The following FOLH1 variants were observed in gnomAD, a reference collection of about 807,000 sequenced individuals.
The protein encoded by FOLH1 is glutamate carboxypeptidase 2.
A neutral mutation model predicts 93.9 loss-of-function variants in FOLH1; 54 were observed. The observed-to-expected ratio is 0.57, with a 90% CI of 0.46 to 0.72. The LOEUF is 0.72. Among genes scored for constraint, FOLH1 ranks in the 30% least tolerant of loss-of-function variants. FOLH1 has a pLI of 0.00. For synonymous variants in FOLH1, 249 were observed against 303.6 expected (o/e 0.82, Z 1.87); for missense variants, 571 against 892.5 (o/e 0.64, Z 4.59).
intron 4 of FOLH1, among the ~76,000 whole-genome samples, chr11:49,188,512 C>A (rs376654027): frequency 2.7e-3 from 354 of 130,768 alleles, no homozygotes; most frequent in Middle Eastern, 4.0e-3. Flanking sequence ...GACTTGGTCT[C>A]AAAAAAAAAA....
chr11:49,158,692 A>C (rs1380755399), intron 13 of FOLH1, among the ~76,000 whole-genome samples: 1 of 152,192 alleles, frequency 6.6e-6, no homozygotes. Context: ...TTTAATAGGA[A>C]TAGCACTGAA....
intron 15 of FOLH1, among the ~76,000 whole-genome samples, chr11:49,155,028 C>G (rs1402418442): frequency 6.6e-6 from 1 of 151,884 alleles, no homozygotes; most frequent in East Asian, 1.9e-4. Flanking sequence ...AGAAGGGAGG[C>G]CCAGACAGGT....
chr11:49,160,117 G>A (rs1249794220), intron 13 of FOLH1, among the ~76,000 whole-genome samples: 1 of 152,002 alleles, frequency 6.6e-6, no homozygotes, highest in Non-Finnish European at 1.5e-5. Context: ...TATGTGCATA[G>A]AGGTGTTTAT....
intron 13 of FOLH1, among the ~76,000 whole-genome samples, chr11:49,161,976 T>C (rs1408610776): frequency 6.6e-6 from 1 of 152,188 alleles, no homozygotes; most frequent in Non-Finnish European, 1.5e-5. Flanking sequence ...GCTTGCAGGG[T>C]TTCAGCTGAG....
intron 14 of FOLH1, among the ~76,000 whole-genome samples, chr11:49,157,365 T>C (rs1277305286): frequency 6.6e-6 from 1 of 152,042 alleles, no homozygotes; most frequent in African/African-American, 2.4e-5. Context: ...GGAAAATTAC[T>C]TTTCACCATT....
intron 1 of FOLH1, chr11:49,207,928 G>A (rs1377435382): frequency 2.1e-6 from 1 of 478,638 alleles, no homozygotes; most frequent in South Asian, 1.5e-5. Context: ...AATGCACAGA[G>A]AGGTAAAAAA....
intron 17 of FOLH1, among the ~76,000 whole-genome samples, chr11:49,152,795 T>C (rs1202841782): frequency 6.6e-6 from 1 of 152,156 alleles, no homozygotes; most frequent in African/African-American, 2.4e-5. Flanking sequence ...GATTGCATCA[T>C]TTCCCCATTG....
intron 10 of FOLH1, 29 bp downstream of exon 10, chr11:49,173,328 T>C (rs369668552): frequency 2.8e-5 from 45 of 1,593,048 alleles, no homozygotes; most frequent in Non-Finnish European, 3.9e-5. Flanking sequence ...AGATAGGCTG[T>C]TTTTTTTCTT....
At position 49,208,484 on chromosome 11, in the gene FOLH1, C is replaced by A. The variant is rs1198343354; in HGVS notation, c.-75G>T. On this transcript the variant is annotated 5_prime_UTR_variant, in exon 1 of 19. Transcript: ENST00000256999. The stretch of plus-strand genomic sequence containing the variant: ...TCTACTGCGCGCCCTCCAACCACCA[C>A]GGCGGGGTAAAGTCTCTCTCAATCT... The A allele has an allele frequency of 4.4e-5, 45 of 1,018,902 alleles. No individual in the cohort carries two copies. Among genetic ancestry groups the A allele is most frequent in the Admixed American group, 1.2e-4 (5 of 40,364 alleles). The allele number at this position is 1,018,902 out of a possible 1,614,324, so 63.1% of individuals were successfully genotyped here. A position where few individuals can be genotyped will look rare whatever the true frequency, so the allele number is the denominator to read the frequency against.
At chr11:49,160,459 T>A (rs79268505) in intron 13 of FOLH1, among the ~76,000 whole-genome samples, 7 of 152,086 alleles carry the variant, frequency 4.6e-5, no homozygotes, top group African/African-American at 1.7e-4. Flanking sequence ...TTCTTTTTTT[T>A]TGAGACGGAG....
chr11:49,183,245 G>C lies in FOLH1; in HGVS notation c.827-3C>G. Reference sequence around the variant, plus strand: ...AATTCCACGCCTATAAGCATATTCTGAAAAAAAAAATTGCCATATTTCCAG... The same window carrying C: ...AATTCCACGCCTATAAGCATATTCTCAAAAAAAAAATTGCCATATTTCCAG... On this transcript the variant is annotated splice_region_variant and splice_polypyrimidine_tract_variant and intron_variant, in intron 6 of 18. Coordinates refer to ENST00000256999, the MANE Select transcript of FOLH1 (RefSeq NM_004476.3). The C allele has an allele frequency of 6.7e-7, 1 of 1,498,962 alleles. No homozygotes were observed. The highest frequency in any genetic ancestry group is 9.0e-7 in the Non-Finnish European group (1 of 1,107,426). The allele number at this position is 1,498,962 out of a possible 1,614,324, so 92.9% of individuals were successfully genotyped here.
At chr11:49,171,064 A>T (rs1859199559) in intron 11 of FOLH1, 131 bp downstream of exon 11, 3 of 1,047,444 alleles carry the variant, frequency 2.9e-6, no homozygotes, top group East Asian at 5.4e-5. Flanking sequence ...AGAATATGTT[A>T]CTTCAGATTT....
intron 3 of FOLH1, among the ~76,000 whole-genome samples, chr11:49,196,883 G>A (rs1046792478): frequency 6.6e-6 from 1 of 152,170 alleles, no homozygotes; most frequent in Admixed American, 6.6e-5. Flanking sequence ...ATAGGTCTTG[G>A]TCAGTGCAGT....
chr11:49,161,436 A>G (rs1362559302), intron 13 of FOLH1, among the ~76,000 whole-genome samples: 1 of 152,114 alleles, frequency 6.6e-6, no homozygotes, highest in Non-Finnish European at 1.5e-5. Flanking sequence ...TTTGTCAGAA[A>G]CTAGAATTGC....
intron 17 of FOLH1, among the ~76,000 whole-genome samples, chr11:49,151,571 ATTCAGT>A (rs1443924597): frequency 6.6e-6 from 1 of 152,228 alleles, no homozygotes; most frequent in Non-Finnish European, 1.5e-5. Context: ...GAAATTCAAC[ATTCAGT>A]TTAATTTACT....
intron 7 of FOLH1, among the ~76,000 whole-genome samples, chr11:49,178,366 C>A (rs1451631600): frequency 6.6e-6 from 1 of 152,142 alleles, no homozygotes; most frequent in African/African-American, 2.4e-5. Flanking sequence ...GAGAGGAAAA[C>A]TTTACTATAA....
At chr11:49,172,950 C>T (rs949600807) in intron 10 of FOLH1, among the ~76,000 whole-genome samples, 10 of 152,106 alleles carry the variant, frequency 6.6e-5, no homozygotes, top group Non-Finnish European at 8.8e-5. Flanking sequence ...GCATCTATCT[C>T]CTTAATTACT....
chr11:49,206,446 A>T (rs1252158896), intron 1 of FOLH1: 4 of 638,210 alleles, frequency 6.3e-6, no homozygotes, highest in Non-Finnish European at 1.1e-5. Flanking sequence ...TTATGAGATA[A>T]TCAGGACGAA....
At chr11:49,176,307 ACT>A (rs567681560) in intron 7 of FOLH1, among the ~76,000 whole-genome samples, 3 of 152,168 alleles carry the variant, frequency 2.0e-5, no homozygotes, top group Non-Finnish European at 4.4e-5. Flanking sequence ...TTGATGTCTA[ACT>A]CTCTGAAATT....
Sources: allele counts gnomAD v4.1 joint callset (sites outside exome capture counted in the v4.1 genomes callset), GRCh38; gene constraint gnomAD v4.1.1; transcripts MANE v1.5; gene names NCBI Gene and HGNC (gene_info 2026-07-23, HGNC 2026-07-21).